The following PLCB1 variants were observed in gnomAD, a reference collection of about 807,000 sequenced individuals.
PLCB1 encodes 1-phosphatidylinositol 4,5-bisphosphate phosphodiesterase beta-1.
Under a neutral mutation model 161.8 loss-of-function variants are expected in PLCB1, and 46 were observed. That is an observed-to-expected ratio of 0.28 (90% CI 0.22 to 0.36). The LOEUF is 0.36. Among genes scored for constraint, PLCB1 ranks in the 10% least tolerant of loss-of-function variants. The pLI, the probability that PLCB1 is intolerant of heterozygous loss-of-function variation, is 1.00. For synonymous variants in PLCB1, 517 were observed against 503.7 expected, an observed-to-expected ratio of 1.03 and a Z score of -0.35; for missense variants, 1,016 against 1,472.5, an observed-to-expected ratio of 0.69 and a Z score of 5.07.
At chr20:8,429,807 A>C (rs1335538165) in intron 3 of PLCB1, among the ~76,000 whole-genome samples, 2 of 152,040 alleles carry the variant, frequency 1.3e-5, no homozygotes, top group East Asian at 3.8e-4. Flanking sequence ...TCAGCTTCTA[A>C]TTGAGATAGA....
chr20:8,622,256 A>G (rs200524397), intron 3 of PLCB1, among the ~76,000 whole-genome samples: 69 of 105,994 alleles, frequency 6.5e-4, no homozygotes, highest in Admixed American at 2.3e-3. Context: ...CTGCCTCAGG[A>G]AAAAAAAAAA....
intron 2 of PLCB1, among the ~76,000 whole-genome samples, chr20:8,331,002 G>A (rs912430832): frequency 6.6e-5 from 10 of 152,274 alleles, no homozygotes; most frequent in African/African-American, 2.4e-4. Context: ...TACCATTTTG[G>A]TAAGTCAAAA....
At chr20:8,239,462 G>A (rs921074160) in intron 2 of PLCB1, among the ~76,000 whole-genome samples, 1 of 152,026 alleles carries the variant, frequency 6.6e-6, no homozygotes, top group African/African-American at 2.4e-5. Flanking sequence ...TAAGCCAGTG[G>A]TGGGTGTGGA....
intron 3 of PLCB1, among the ~76,000 whole-genome samples, chr20:8,428,327 T>C (rs1038088282): frequency 5.3e-5 from 8 of 152,080 alleles, no homozygotes; most frequent in Non-Finnish European, 1.0e-4. Context: ...TTCAAGCGAT[T>C]CACCTGCCTC....
intron 31 of PLCB1, among the ~76,000 whole-genome samples, chr20:8,849,591 G>T (rs777218606): frequency 6.6e-6 from 1 of 152,032 alleles, no homozygotes; most frequent in Admixed American, 6.6e-5. Flanking sequence ...CTGGAGAATC[G>T]CTTGAATCTA....
chr20:8,511,534 C>T (rs1388606534), intron 3 of PLCB1, among the ~76,000 whole-genome samples: 1 of 152,096 alleles, frequency 6.6e-6, no homozygotes, highest in Non-Finnish European at 1.5e-5. Context: ...TGGATATGAA[C>T]ATGGAAATGA....
chr20:8,782,158 G>C (rs1207620204), intron 27 of PLCB1, among the ~76,000 whole-genome samples: 1 of 152,156 alleles, frequency 6.6e-6, no homozygotes, highest in Non-Finnish European at 1.5e-5. Flanking sequence ...AGGTGTGAAA[G>C]AATATCTCAT....
intron 27 of PLCB1, among the ~76,000 whole-genome samples, chr20:8,778,267 G>A (rs77887492): frequency 0.021 from 3,140 of 152,250 alleles, 45 homozygotes; most frequent in South Asian, 0.05. Flanking sequence ...AACATCCCAA[G>A]AAGACCTCTT....
At chr20:8,347,014 CTG>C (rs1986020339) in intron 2 of PLCB1, among the ~76,000 whole-genome samples, 1 of 152,160 alleles carries the variant, frequency 6.6e-6, no homozygotes, top group South Asian at 2.1e-4. Flanking sequence ...GAAGAAATGA[CTG>C]CAAACAAAGC....
intron 3 of PLCB1, among the ~76,000 whole-genome samples, chr20:8,623,303 G>C (rs6086540): frequency 0.51 from 77,064 of 151,910 alleles, 19,872 homozygotes; most frequent in Admixed American, 0.61. Flanking sequence ...GATCGCCTTC[G>C]TGTTTCTTCT....
intron 9 of PLCB1, among the ~76,000 whole-genome samples, chr20:8,659,708 G>C (rs1460602002): frequency 6.6e-6 from 1 of 151,982 alleles, no homozygotes; most frequent in East Asian, 1.9e-4. Context: ...AAGTATAAAT[G>C]GGCCCAGGCA....
intron 10 of PLCB1, among the ~76,000 whole-genome samples, chr20:8,688,456 T>C (rs1384750820): frequency 1.3e-5 from 2 of 152,208 alleles, no homozygotes; most frequent in Non-Finnish European, 2.9e-5. Context: ...AATGTTATCT[T>C]CTAGAATTTT....
intron 31 of PLCB1, among the ~76,000 whole-genome samples, chr20:8,796,681 A>G (rs998954437): frequency 6.6e-6 from 1 of 152,214 alleles, no homozygotes; most frequent in Non-Finnish European, 1.5e-5. Flanking sequence ...AAACAAATAT[A>G]GTTATGCCTT....
chr20:8,143,094 C>T (rs2051420267), intron 1 of PLCB1, among the ~76,000 whole-genome samples: 1 of 152,158 alleles, frequency 6.6e-6, no homozygotes. Flanking sequence ...TAGCAATATG[C>T]CTTTACTAGT....
At chr20:8,523,603 A>G (rs1425105692) in intron 3 of PLCB1, among the ~76,000 whole-genome samples, 2 of 148,866 alleles carry the variant, frequency 1.3e-5, no homozygotes, top group African/African-American at 2.5e-5. Flanking sequence ...TGAGAATTTG[A>G]TTGAAAGTCT....
At chr20:8,505,140 C>T (rs1323387289) in intron 3 of PLCB1, among the ~76,000 whole-genome samples, 2 of 152,182 alleles carry the variant, frequency 1.3e-5, no homozygotes, top group East Asian at 1.9e-4. Flanking sequence ...GCTGGGATTA[C>T]ATGTGTGAGC....
At chr20:8,532,438 C>T (rs1984851927) in intron 3 of PLCB1, among the ~76,000 whole-genome samples, 1 of 152,160 alleles carries the variant, frequency 6.6e-6, no homozygotes, top group Non-Finnish European at 1.5e-5. Flanking sequence ...CCCCAAACTT[C>T]CCAGGGAGTT....
intron 3 of PLCB1, among the ~76,000 whole-genome samples, chr20:8,628,006 A>G (rs1478397402): frequency 2.0e-5 from 3 of 152,198 alleles, no homozygotes; most frequent in African/African-American, 7.2e-5. Context: ...GGATGATTGA[A>G]GGAAATAGAG....
intron 9 of PLCB1, among the ~76,000 whole-genome samples, chr20:8,669,083 G>A (rs6133598): frequency 6.6e-6 from 1 of 152,116 alleles, no homozygotes; most frequent in Non-Finnish European, 1.5e-5. Flanking sequence ...ATAATTACAA[G>A]GAGAAAATTC....
Sources: allele counts gnomAD v4.1 joint callset (sites outside exome capture counted in the v4.1 genomes callset), GRCh38; gene constraint gnomAD v4.1.1; transcripts MANE v1.5; gene names NCBI Gene and HGNC (gene_info 2026-07-23, HGNC 2026-07-21).